The following FARP1 variants were observed in gnomAD, a reference collection of about 807,000 sequenced individuals.
The protein encoded by FARP1 is FERM, ARH/RhoGEF and pleckstrin domain protein 1.
In FARP1, 52 loss-of-function variants were observed where a neutral mutation model predicts 128.8. That is an observed-to-expected ratio of 0.40 (90% CI 0.32 to 0.51). The LOEUF (loss-of-function observed/expected upper bound fraction) is 0.51. Ranked by LOEUF, FARP1 falls within the 20% of genes least tolerant of loss-of-function variation. The pLI, the probability that FARP1 is intolerant of heterozygous loss-of-function variation, is 0.45. For missense variants in FARP1, 1,333 were observed against 1,367.9 expected (o/e 0.97, Z 0.40); for synonymous variants, 580 against 551.8 (o/e 1.05, Z -0.72).
intron 5 of FARP1, among the ~76,000 whole-genome samples, chr13:98,376,593 A>G (rs1226600103): frequency 2.0e-5 from 3 of 152,174 alleles, no homozygotes; most frequent in Admixed American, 2.0e-4. Context: ...GAGTGCAGAT[A>G]TCTCTTTGAC....
At chr13:98,425,094 A>G (rs1891732343) in intron 17 of FARP1, among the ~76,000 whole-genome samples, 1 of 152,088 alleles carries the variant, frequency 6.6e-6, no homozygotes, top group South Asian at 2.1e-4. Flanking sequence ...CAAAGCATGA[A>G]TGAAAAGCCA....
chr13:98,185,646 GT>G (rs5806052), intron 1 of FARP1, among the ~76,000 whole-genome samples: 96,725 of 145,328 alleles, frequency 0.67, 32,071 homozygotes, highest in Admixed American at 0.75. Context: ...CTGATAATTA[GT>G]TTTTTTTTTT....
intron 13 of FARP1, chr13:98,396,608 T>C: frequency 2.5e-6 from 1 of 398,086 alleles, no homozygotes; most frequent in Non-Finnish European, 4.4e-6. Context: ...TTAGAGGAGA[T>C]TTTGGACAGG....
chr13:98,443,077 C>T (rs544537052), intron 24 of FARP1, among the ~76,000 whole-genome samples: 26 of 152,234 alleles, frequency 1.7e-4, no homozygotes, highest in Admixed American at 2.6e-4. Context: ...GTCAGGGGCA[C>T]GCTGGCCCCC....
At chr13:98,393,749 T>G in intron 12 of FARP1, 31 bp downstream of exon 12, 7 of 1,556,268 alleles carry the variant, frequency 4.5e-6, no homozygotes, top group Non-Finnish European at 6.2e-6. Context: ...ATGATAACTC[T>G]GCTTTTCCCC....
chr13:98,297,149 T>C (rs1180001926), intron 2 of FARP1, among the ~76,000 whole-genome samples: 1 of 152,206 alleles, frequency 6.6e-6, no homozygotes, highest in African/African-American at 2.4e-5. Flanking sequence ...AGATGCCGGA[T>C]TGTTCCCATA....
intron 2 of FARP1, among the ~76,000 whole-genome samples, chr13:98,245,747 C>T (rs940417967): frequency 6.6e-6 from 1 of 152,128 alleles, no homozygotes; most frequent in Non-Finnish European, 1.5e-5. Flanking sequence ...AAATGTATCC[C>T]ATTCTTAGGA....
intron 2 of FARP1, among the ~76,000 whole-genome samples, chr13:98,296,709 T>G (rs1355430122): frequency 2.4e-5 from 3 of 124,918 alleles, no homozygotes; most frequent in African/African-American, 8.9e-5. Context: ...TTTTTTTTCC[T>G]GAGACAGAAT....
intron 2 of FARP1, among the ~76,000 whole-genome samples, chr13:98,267,030 A>T (rs1218704385): frequency 1.3e-5 from 2 of 151,786 alleles, no homozygotes; most frequent in Non-Finnish European, 2.9e-5. Flanking sequence ...AAAAAAAAAA[A>T]AAAAGGGGTG....
At chr13:98,230,626 C>CT (rs1244198007) in intron 2 of FARP1, among the ~76,000 whole-genome samples, 2 of 138,740 alleles carry the variant, frequency 1.4e-5, no homozygotes, top group Middle Eastern at 3.4e-3. Flanking sequence ...CCCCATTTGT[C>CT]TTTTTTCTGC....
At chr13:98,376,367 A>G (rs2140004311) in intron 5 of FARP1, among the ~76,000 whole-genome samples, 1 of 152,308 alleles carries the variant, frequency 6.6e-6, no homozygotes, top group East Asian at 1.9e-4. Flanking sequence ...AAGTGAGAAT[A>G]TGTGAAGTTT....
chr13:98,153,518 T>TATATA (rs1566670944), intron 1 of FARP1, among the ~76,000 whole-genome samples: 1 of 95,628 alleles, frequency 1.0e-5, no homozygotes, highest in Non-Finnish European at 2.3e-5. Context: ...TAAATATATA[T>TATATA]TTATATATAT....
intron 24 of FARP1, among the ~76,000 whole-genome samples, chr13:98,441,038 C>T (rs922183688): frequency 2.6e-5 from 4 of 152,202 alleles, no homozygotes; most frequent in Admixed American, 2.0e-4. Context: ...GCTGAGTGGG[C>T]GCCGACCTCC....
At chr13:98,266,327 G>C (rs1347125095) in intron 2 of FARP1, among the ~76,000 whole-genome samples, 2 of 152,180 alleles carry the variant, frequency 1.3e-5, no homozygotes, top group East Asian at 1.9e-4. Context: ...CTGGGCTTCA[G>C]TCCCAGTTCG....
At chr13:98,164,957 G>A (rs1418399641) in intron 1 of FARP1, among the ~76,000 whole-genome samples, 1 of 151,974 alleles carries the variant, frequency 6.6e-6, no homozygotes, top group Non-Finnish European at 1.5e-5. Flanking sequence ...GTGCATGACT[G>A]TAATCCCAGC....
At chr13:98,347,108 A>C (rs1888210143) in intron 3 of FARP1, among the ~76,000 whole-genome samples, 1 of 152,184 alleles carries the variant, frequency 6.6e-6, no homozygotes, top group Non-Finnish European at 1.5e-5. Flanking sequence ...TGAGAATCGT[A>C]AGCACCAGCT....
chr13:98,269,824 A>G (rs1884301895), intron 2 of FARP1, among the ~76,000 whole-genome samples: 1 of 152,208 alleles, frequency 6.6e-6, no homozygotes, highest in Non-Finnish European at 1.5e-5. Context: ...TTTATTTAAG[A>G]CTTACCATGG....
chr13:98,344,945 T>G (rs139906464), intron 3 of FARP1, among the ~76,000 whole-genome samples: 1 of 152,316 alleles, frequency 6.6e-6, no homozygotes, highest in Non-Finnish European at 1.5e-5. Flanking sequence ...CCTATTCAGC[T>G]AACAATTATT....
chr13:98,160,963 C>T (rs1876841745), intron 1 of FARP1, among the ~76,000 whole-genome samples: 1 of 152,058 alleles, frequency 6.6e-6, no homozygotes, highest in Admixed American at 6.6e-5. Context: ...CAGGAGTGAG[C>T]CACCGCGCCT....
Sources: gnomAD v4.1 joint callset for allele counts (sites outside exome capture counted in the v4.1 genomes callset) on GRCh38, gnomAD v4.1.1 for gene constraint, MANE v1.5 for transcripts, NCBI Gene and HGNC (gene_info 2026-07-23, HGNC 2026-07-21) for gene names.